Variants in HOMER2 observed in about 807,000 individuals in gnomAD.
HOMER2 encodes homer protein homolog 2.
Under a neutral mutation model 47.0 loss-of-function variants are expected in HOMER2, and 27 were observed. The ratio of observed to expected loss-of-function variants is 0.57; its 90% CI spans 0.42 to 0.79. HOMER2 has a LOEUF of 0.79. HOMER2 is among the 30% of genes least tolerant of loss of function. HOMER2 has a pLI of 0.00. For synonymous variants in HOMER2, 161 were observed against 163.8 expected (o/e 0.98, Z 0.13); for missense variants, 443 against 435.0 (o/e 1.02, Z -0.16).
intron 4 of HOMER2, among the ~76,000 whole-genome samples, chr15:82,863,797 G>C (rs2051872387): frequency 6.6e-6 from 1 of 152,088 alleles, no homozygotes; most frequent in South Asian, 2.1e-4. Context: ...TGAACACAAG[G>C]GCTGTCTGAC....
chr15:82,847,651 G>C (rs534711237), downstream of HOMER2, among the ~76,000 whole-genome samples: 31 of 152,322 alleles, frequency 2.0e-4, 2 homozygotes, highest in South Asian at 5.8e-3. Flanking sequence ...TGTCACCTGA[G>C]CATTCTCTTG....
At chr15:82,948,607 G>T (rs1158166648) in intron 1 of HOMER2, among the ~76,000 whole-genome samples, 1 of 152,182 alleles carries the variant, frequency 6.6e-6, no homozygotes, top group East Asian at 1.9e-4. Context: ...AGTTCTGGAG[G>T]TGGGTGCTCT....
exon 2 of HOMER2, chr15:82,838,682 C>T (rs919912822): frequency 6.6e-6 from 1 of 152,224 alleles, no homozygotes; most frequent in Non-Finnish European, 1.5e-5. Context: ...ATCCCCTCCC[C>T]TTAACATGTT....
At chr15:82,895,334 G>C (rs568006178) in intron 1 of HOMER2, among the ~76,000 whole-genome samples, 23 of 152,308 alleles carry the variant, frequency 1.5e-4, no homozygotes, top group East Asian at 1.9e-4. Flanking sequence ...GAAACAAAAG[G>C]AAGATTCTCA....
intron 1 of HOMER2, among the ~76,000 whole-genome samples, chr15:82,959,595 T>C (rs1425855528): frequency 6.6e-6 from 1 of 152,218 alleles, no homozygotes; most frequent in South Asian, 2.1e-4. Context: ...TTAAAATCAC[T>C]TCTGGAGACT....
intron 2 of HOMER2, among the ~76,000 whole-genome samples, chr15:82,877,622 A>T (rs914325139): frequency 1.3e-5 from 2 of 152,226 alleles, no homozygotes; most frequent in Admixed American, 6.5e-5. Flanking sequence ...ACGATGAAGG[A>T]AACATTACTG....
intron 1 of HOMER2, among the ~76,000 whole-genome samples, chr15:82,941,442 CAAAAAAA>C (rs10602958): frequency 1.3e-5 from 1 of 74,446 alleles, no homozygotes; most frequent in African/African-American, 5.1e-5. Context: ...GAGTCTGTCT[CAAAAAAA>C]AAAAAAAAAA....
intron 5 of HOMER2, among the ~76,000 whole-genome samples, chr15:82,855,128 A>G (rs2051532443): frequency 6.6e-6 from 1 of 152,022 alleles, no homozygotes; most frequent in Non-Finnish European, 1.5e-5. Context: ...CTAGGTCAAG[A>G]AATCGAGACC....
intron 2 of HOMER2, among the ~76,000 whole-genome samples, chr15:82,876,900 G>A (rs758999419): frequency 1.3e-5 from 2 of 152,214 alleles, no homozygotes; most frequent in Non-Finnish European, 2.9e-5. Flanking sequence ...ACAGCTGTCA[G>A]TAGTAACAGA....
chr15:82,872,981 T>G (rs2052227212), intron 3 of HOMER2, among the ~76,000 whole-genome samples: 1 of 152,152 alleles, frequency 6.6e-6, no homozygotes, highest in East Asian at 1.9e-4. Context: ...AAACAGAATA[T>G]TTCAAACTAG....
intron 3 of HOMER2, among the ~76,000 whole-genome samples, chr15:82,866,463 T>C (rs1055714530): frequency 2.0e-5 from 3 of 152,216 alleles, no homozygotes; most frequent in Admixed American, 2.0e-4. Flanking sequence ...TTTGAGTTAA[T>C]GCTGAAATGA....
chr15:82,900,914 C>G (rs1443231435), intron 1 of HOMER2, among the ~76,000 whole-genome samples: 1 of 152,216 alleles, frequency 6.6e-6, no homozygotes, highest in Non-Finnish European at 1.5e-5. Flanking sequence ...CACAAATCCT[C>G]CTAGTCCTCT....
At chr15:82,940,150 T>C (rs1007117851) in intron 1 of HOMER2, among the ~76,000 whole-genome samples, 5 of 151,904 alleles carry the variant, frequency 3.3e-5, no homozygotes, top group Non-Finnish European at 5.9e-5. Flanking sequence ...CACACCAACA[T>C]GGCACATGTA....
In HOMER2 at chr15:82,852,190, C is replaced by T. The variant is rs1438225714; in HGVS notation, c.714G>A (p.Leu238=). 2.5e-6 allele frequency: 4 copies of T among 1,614,002 alleles called. No individual in the cohort carries two copies. Among genetic ancestry groups the T allele is most frequent in the Non-Finnish European group, 3.4e-6 (4 of 1,179,890 alleles). ...CCTCCAGCTCCTCGATCCTCCTCTT[C>T]AGCTGCGTGTTCTTCTCCTTCTCTC... is the stretch of plus-strand genomic sequence containing the variant. ...INREKEKNTQ[L]KRRIEELEAE... is the part of the protein sequence containing the mutation. The change falls in exon 7 of 9, where the codon CTG becomes CTA. Residue 238 remains leucine, a synonymous_variant. Coordinates refer to ENST00000450735, the MANE Select transcript of HOMER2 (RefSeq NM_004839.4).
chr15:82,950,511 T>C (rs970714760), intron 1 of HOMER2, among the ~76,000 whole-genome samples: 5 of 152,076 alleles, frequency 3.3e-5, no homozygotes, highest in African/African-American at 1.2e-4. Context: ...AAGGATGACA[T>C]TGGTTCTATT....
At chr15:82,894,670 C>CA (rs11302464) in intron 1 of HOMER2, among the ~76,000 whole-genome samples, 5,945 of 78,956 alleles carry the variant, frequency 0.075, 321 homozygotes, top group African/African-American at 0.16. Context: ...GACTCCATCT[C>CA]AAAAAAAAAA....
At chr15:82,914,586 G>A (rs1246547488) in intron 1 of HOMER2, among the ~76,000 whole-genome samples, 1 of 152,052 alleles carries the variant, frequency 6.6e-6, no homozygotes, top group African/African-American at 2.4e-5. Flanking sequence ...TTGCTTAATG[G>A]GTTCAGAGTT....
intron 3 of HOMER2, among the ~76,000 whole-genome samples, chr15:82,866,921 A>T (rs117338801): frequency 0.011 from 1,613 of 152,306 alleles, 7 homozygotes; most frequent in Non-Finnish European, 0.016. Context: ...ACCCTATCAG[A>T]TACATTTTAA....
intron 5 of HOMER2, among the ~76,000 whole-genome samples, chr15:82,855,336 A>AAAAAG (rs2051545308): frequency 6.7e-6 from 1 of 149,814 alleles, no homozygotes; most frequent in Admixed American, 6.6e-5. Context: ...AAAAAAAAAA[A>AAAAAG]AAAAAAAAAA....
Sources: gnomAD v4.1 joint callset for allele counts (sites outside exome capture counted in the v4.1 genomes callset) on GRCh38, gnomAD v4.1.1 for gene constraint, MANE v1.5 for transcripts, NCBI Gene and HGNC (gene_info 2026-07-23, HGNC 2026-07-21) for gene names.